OLA1: variants seen among roughly 807,000 people sequenced by gnomAD.
OLA1 encodes Obg like ATPase 1.
In OLA1, 14 loss-of-function variants were observed where a neutral mutation model predicts 48.4. The observed-to-expected ratio is 0.29, with a 90% CI of 0.19 to 0.45. OLA1 has a LOEUF of 0.45. OLA1 is among the 20% of genes least tolerant of loss of function. OLA1 has a pLI of 1.00. For missense variants in OLA1, 325 were observed against 467.1 expected (o/e 0.70, Z 2.80); for synonymous variants, 127 against 150.4 (o/e 0.84, Z 1.14).
At chr2:174,112,135 A>C (rs1271358486) in intron 7 of OLA1, among the ~76,000 whole-genome samples, 1 of 152,188 alleles carries the variant, frequency 6.6e-6, no homozygotes, top group African/African-American at 2.4e-5. Flanking sequence ...AGGAAATGTG[A>C]CTGGTATATG....
At chr2:174,172,666 A>G (rs1687337063) in intron 4 of OLA1, 1 of 158,906 alleles carries the variant, frequency 6.3e-6, no homozygotes, top group South Asian at 2.0e-4. Flanking sequence ...AGGAGATGAT[A>G]TCCAAGGTCA....
intron 3 of OLA1, among the ~76,000 whole-genome samples, chr2:174,228,191 G>A (rs1460094588): frequency 6.6e-6 from 1 of 152,030 alleles, no homozygotes; most frequent in African/African-American, 2.4e-5. Flanking sequence ...CAGAGTTCAG[G>A]ACACCAGACA....
chr2:174,110,891 C>A (rs955002237), intron 7 of OLA1, among the ~76,000 whole-genome samples: 1 of 152,076 alleles, frequency 6.6e-6, no homozygotes, highest in Admixed American at 6.6e-5. Context: ...CTAATTGCAA[C>A]GTTTTATATA....
chr2:174,198,104 AC>A (rs1479159146), intron 4 of OLA1, among the ~76,000 whole-genome samples: 6 of 152,168 alleles, frequency 3.9e-5, no homozygotes, highest in African/African-American at 7.2e-5. Context: ...AGCTGGGATT[AC>A]AGGCATGCCA....
At chr2:174,235,882 TG>T (rs933886491) in intron 2 of OLA1, among the ~76,000 whole-genome samples, 3 of 152,120 alleles carry the variant, frequency 2.0e-5, no homozygotes, top group Non-Finnish European at 4.4e-5. Flanking sequence ...ACATGGAGAT[TG>T]GAACAGTTCA....
intron 2 of OLA1, among the ~76,000 whole-genome samples, chr2:174,246,511 C>T (rs1232159330): frequency 1.3e-5 from 2 of 152,254 alleles, no homozygotes; most frequent in Admixed American, 6.5e-5. Context: ...GGTAGACAGC[C>T]TATGTAGGTA....
intron 4 of OLA1, among the ~76,000 whole-genome samples, chr2:174,203,310 A>C (rs1054084111): frequency 3.9e-5 from 6 of 152,178 alleles, no homozygotes; most frequent in African/African-American, 1.4e-4. Context: ...AGAGGGATTA[A>C]AATTCAAATT....
intron 4 of OLA1, among the ~76,000 whole-genome samples, chr2:174,163,703 AATAAATAAATATAT>A (rs1400518078): frequency 2.0e-5 from 1 of 49,742 alleles, no homozygotes. Context: ...AAATAAAATA[AATAAATAAATATAT>A]ATATATATAT....
chr2:174,114,070 T>C (rs180793360), intron 7 of OLA1, among the ~76,000 whole-genome samples: 2 of 151,088 alleles, frequency 1.3e-5, no homozygotes, highest in East Asian at 1.9e-4. Context: ...GGCTCATGCC[T>C]GTAATCCCAG....
chr2:174,229,872 T>C (rs1386630036), intron 2 of OLA1, among the ~76,000 whole-genome samples: 1 of 152,138 alleles, frequency 6.6e-6, no homozygotes, highest in Non-Finnish European at 1.5e-5. Context: ...TTCCAAAAAC[T>C]CTGAATTGGG....
chr2:174,154,501 C>A (rs1047644412), intron 4 of OLA1, among the ~76,000 whole-genome samples: 2 of 151,400 alleles, frequency 1.3e-5, no homozygotes, highest in Non-Finnish European at 2.9e-5. Flanking sequence ...AAAATCCTTT[C>A]TTTCTATTAC....
chr2:174,244,824 G>T (rs1240014879), intron 2 of OLA1, among the ~76,000 whole-genome samples: 1 of 151,924 alleles, frequency 6.6e-6, no homozygotes, highest in Admixed American at 6.6e-5. Flanking sequence ...TAGAGATGGG[G>T]TTTCGCCATG....
intron 4 of OLA1, among the ~76,000 whole-genome samples, chr2:174,142,504 G>T (rs528009500): frequency 1.3e-5 from 2 of 152,238 alleles, no homozygotes; most frequent in African/African-American, 4.8e-5. Context: ...AATTTCATCG[G>T]CCTGATTTGA....
chr2:174,090,232 A>G (rs1157370859), intron 7 of OLA1, among the ~76,000 whole-genome samples: 1 of 152,226 alleles, frequency 6.6e-6, no homozygotes, highest in African/African-American at 2.4e-5. Context: ...ATTGGATTTC[A>G]GACTTTCTGT....
intron 5 of OLA1, among the ~76,000 whole-genome samples, chr2:174,135,175 A>AAAG (rs1553482508): frequency 1.3e-5 from 2 of 151,888 alleles, no homozygotes; most frequent in South Asian, 2.1e-4. Context: ...AAAAAAAAAA[A>AAAG]AAAAGAAATG....
intron 2 of OLA1, among the ~76,000 whole-genome samples, chr2:174,231,071 C>T (rs1053361612): frequency 1.2e-4 from 19 of 152,156 alleles, no homozygotes; most frequent in Non-Finnish European, 2.1e-4. Context: ...CTCAGGCACA[C>T]CACCAGTTTT....
intron 4 of OLA1, among the ~76,000 whole-genome samples, chr2:174,196,310 A>C (rs1212436235): frequency 6.6e-6 from 1 of 152,146 alleles, no homozygotes; most frequent in Non-Finnish European, 1.5e-5. Context: ...TTGAAAATCA[A>C]ATTGTATAAT....
chr2:174,137,246 A>C (rs1431962048), intron 5 of OLA1, among the ~76,000 whole-genome samples: 1 of 152,204 alleles, frequency 6.6e-6, no homozygotes, highest in Admixed American at 6.5e-5. Flanking sequence ...GTAGGTCTCA[A>C]TGAAAGGAAT....
chr2:174,232,071 C>T (rs190582878), intron 2 of OLA1, among the ~76,000 whole-genome samples: 8 of 152,116 alleles, frequency 5.3e-5, no homozygotes, highest in Non-Finnish European at 1.2e-4. Context: ...AATGGGTTTA[C>T]ATAACTTATT....
Sources: gnomAD v4.1 joint callset for allele counts (sites outside exome capture counted in the v4.1 genomes callset) on GRCh38, gnomAD v4.1.1 for gene constraint, MANE v1.5 for transcripts, NCBI Gene and HGNC (gene_info 2026-07-23, HGNC 2026-07-21) for gene names.